FAM83B: variants seen among roughly 807,000 people sequenced by gnomAD.
FAM83B encodes protein FAM83B.
FAM83B carries 26 observed loss-of-function variants against 38.8 expected under a neutral mutation model. The observed-to-expected ratio is 0.67, with a 90% CI of 0.49 to 0.93. FAM83B has a LOEUF of 0.93. Among genes scored for constraint, FAM83B ranks in the 40% least tolerant of loss-of-function variants. The probability of loss-of-function intolerance (pLI) is 0.00; values close to 1 mark genes in which losing one functional copy is unlikely to be tolerated. For synonymous variants in FAM83B, 419 were observed against 423.1 expected, an observed-to-expected ratio of 0.99 and a Z score of 0.12; for missense variants, 1,237 against 1,197.3, an observed-to-expected ratio of 1.03 and a Z score of -0.49.
chr6:54,943,315 C>T lies in FAM83B; in HGVS notation c.*1308C>T, dbSNP rs1476728406. 2 of 152,098 alleles carry T rather than the reference C, an allele frequency of 1.3e-5. No homozygotes were observed. Among genetic ancestry groups the T allele is most frequent in the Non-Finnish European group, 2.9e-5 (2 of 68,020 alleles). 9.4% of individuals were successfully genotyped at this position (152,098 alleles called of 1,614,324 possible). A position where few individuals can be genotyped will look rare whatever the true frequency, so the allele number is the denominator to read the frequency against. On this transcript the variant is annotated 3_prime_UTR_variant, in exon 5 of 5. Coordinates refer to ENST00000306858, the MANE Select transcript of FAM83B (RefSeq NM_001010872.3). ...GGATGATATTCAGATTATAAGATAC[C>T]CTTTGTCTTTCTTACAGTAATGAAG...
At chr6:54,886,013 A>G (rs1772266830) in intron 2 of FAM83B, among the ~76,000 whole-genome samples, 1 of 152,012 alleles carries the variant, frequency 6.6e-6, no homozygotes, top group Non-Finnish European at 1.5e-5. Context: ...AGGAAGTTCT[A>G]TTCTTAAAGA....
chr6:54,937,136 T>A (rs1773538641), intron 4 of FAM83B, among the ~76,000 whole-genome samples: 1 of 151,584 alleles, frequency 6.6e-6, no homozygotes, highest in Non-Finnish European at 1.5e-5. Context: ...ATGTGGAGAG[T>A]GTCTCTTTTT....
chr6:54,913,848 C>G (rs749216351), intron 2 of FAM83B, among the ~76,000 whole-genome samples: 40 of 151,730 alleles, frequency 2.6e-4, no homozygotes, highest in Non-Finnish European at 3.1e-4. Context: ...AAATTTCATG[C>G]ATCATATATT....
intron 2 of FAM83B, among the ~76,000 whole-genome samples, chr6:54,909,762 G>C (rs1393845963): frequency 5.9e-5 from 9 of 152,280 alleles, no homozygotes; most frequent in Admixed American, 5.2e-4. Context: ...CTAAACTGTA[G>C]AGGAGCATAA....
At chr6:54,916,784 C>T (rs1773050217) in intron 2 of FAM83B, among the ~76,000 whole-genome samples, 1 of 152,166 alleles carries the variant, frequency 6.6e-6, no homozygotes, top group Non-Finnish European at 1.5e-5. Context: ...CAGTATTTGT[C>T]TCTTTGACTC....
intron 2 of FAM83B, among the ~76,000 whole-genome samples, chr6:54,888,450 T>C (rs998226959): frequency 6.6e-6 from 1 of 151,996 alleles, no homozygotes; most frequent in Non-Finnish European, 1.5e-5. Context: ...CAATGAATCC[T>C]CTTGGAACTT....
intron 2 of FAM83B, among the ~76,000 whole-genome samples, chr6:54,925,046 T>C (rs1401392140): frequency 6.6e-6 from 1 of 152,210 alleles, no homozygotes; most frequent in Non-Finnish European, 1.5e-5. Flanking sequence ...AACTCTCCCA[T>C]TCTCATTTCA....
chr6:54,926,887 A>G (rs58495896), intron 3 of FAM83B, among the ~76,000 whole-genome samples: 8,274 of 152,074 alleles, frequency 0.054, 762 homozygotes, highest in African/African-American at 0.19. Flanking sequence ...GCCCGCCACC[A>G]TGCCCAGCTA....
intron 1 of FAM83B, among the ~76,000 whole-genome samples, chr6:54,868,271 A>T (rs948940957): frequency 1.3e-5 from 2 of 152,124 alleles, no homozygotes; most frequent in Admixed American, 6.6e-5. Context: ...CATGCATTGT[A>T]GTATGTTTAG....
intron 2 of FAM83B, among the ~76,000 whole-genome samples, chr6:54,895,802 G>T (rs544705453): frequency 1.3e-5 from 2 of 151,978 alleles, no homozygotes; most frequent in East Asian, 1.9e-4. Context: ...GTGCAGTGGG[G>T]TGATCTTGGC....
intron 2 of FAM83B, among the ~76,000 whole-genome samples, chr6:54,876,417 C>A (rs1433745656): frequency 1.3e-5 from 2 of 149,590 alleles, no homozygotes; most frequent in African/African-American, 4.9e-5. Flanking sequence ...TCTGTCCCCC[C>A]AGGTTCAAGC....
rs757631289 is a variant in FAM83B, at chr6:54,941,155, C to T, written c.2184C>T (p.Asn728=). 1 of 1,614,022 alleles carries T rather than the reference C, an allele frequency of 6.2e-7. No individual in the cohort carries two copies. Among genetic ancestry groups the T allele is most frequent in the South Asian group, 1.1e-5 (1 of 91,082 alleles). Residue 728 remains asparagine (N), a synonymous_variant, in exon 5 of 5, where the codon AAC becomes AAT. Coordinates refer to ENST00000306858, the MANE Select transcript of FAM83B (RefSeq NM_001010872.3). ...ATGAGGAGGAAGTTACCAAGAGAAA[C>T]TCTCCAAGTGGCACTACTACCAAAT... The part of the protein sequence containing the change: ...EEDEEEVTKR[N]SPSGTTTKSV...
chr6:54,935,994 C>G (rs866811737), intron 4 of FAM83B, among the ~76,000 whole-genome samples: 3 of 151,940 alleles, frequency 2.0e-5, no homozygotes, highest in Non-Finnish European at 4.4e-5. Flanking sequence ...TTGCAAGGCC[C>G]ACTAAAATTT....
chr6:54,935,414 C>G (rs1773504812), intron 4 of FAM83B, among the ~76,000 whole-genome samples: 1 of 151,984 alleles, frequency 6.6e-6, no homozygotes, highest in South Asian at 2.1e-4. Context: ...ATAGAGTGAT[C>G]ATAAATGTCT....
Position 54,940,099 on chromosome 6 carries a change from A to G in FAM83B, c.1128A>G (p.Gln376=). ...GTCCAAACGCAATACGTCAGTTTCAACCCAATCAGATAAATGAAAATTGGA... is the reference window on the plus strand; with the variant it reads ...GTCCAAACGCAATACGTCAGTTTCAGCCCAATCAGATAAATGAAAATTGGA... ...FNGPNAIRQF[Q]PNQINENWKR... Residue 376 remains glutamine, a synonymous_variant, in exon 5 of 5, where the codon CAA becomes CAG. Transcript: ENST00000306858. The G allele has an allele frequency of 6.2e-7, 1 of 1,614,112 alleles. No homozygotes were observed. Among genetic ancestry groups the G allele is most frequent in the Non-Finnish European group, 8.5e-7 (1 of 1,180,032 alleles).
At chr6:54,882,093 T>G (rs2127578024) in intron 2 of FAM83B, among the ~76,000 whole-genome samples, 1 of 151,482 alleles carries the variant, frequency 6.6e-6, no homozygotes, top group East Asian at 1.9e-4. Flanking sequence ...GGACATGAAC[T>G]CATCCTTTTT....
At position 54,940,756 on chromosome 6, in the gene FAM83B, G is replaced by T. The variant is rs1276256016; in HGVS notation, c.1785G>T (p.Leu595Phe). ...TNVQHLTDKP[L>F]PESIPKLPLQ... is the part of the protein sequence containing the mutation. ...TACAGCATTTGACAGACAAACCCTTGCCAGAATCAATCCCCAAGCTCCCAT... is the reference window on the plus strand; with the variant it reads ...TACAGCATTTGACAGACAAACCCTTTCCAGAATCAATCCCCAAGCTCCCAT... Residue 595 changes from leucine to phenylalanine, a missense_variant, in exon 5 of 5, where the codon TTG (leucine) becomes TTT (phenylalanine). Physicochemically the swap from Leu to Phe is conservative, Grantham distance 22. Transcript: ENST00000306858. 1.2e-6 allele frequency: 2 copies of T among 1,613,896 alleles called. No individual in the cohort carries two copies. The highest frequency in any genetic ancestry group is 2.2e-5 in the East Asian group (1 of 44,844).
intron 2 of FAM83B, among the ~76,000 whole-genome samples, chr6:54,884,336 A>T (rs1487222489): frequency 2.0e-5 from 3 of 148,966 alleles, no homozygotes; most frequent in African/African-American, 7.4e-5. Context: ...ATAGAAAATG[A>T]GCTGGGTGTG....
chr6:54,917,597 C>A (rs997537247), intron 2 of FAM83B, among the ~76,000 whole-genome samples: 1 of 152,036 alleles, frequency 6.6e-6, no homozygotes, highest in Non-Finnish European at 1.5e-5. Flanking sequence ...CCTTCTTGGT[C>A]AGAATTTTGA....
Sources: allele counts gnomAD v4.1 joint callset (sites outside exome capture counted in the v4.1 genomes callset), GRCh38; gene constraint gnomAD v4.1.1; transcripts MANE v1.5; gene names NCBI Gene and HGNC (gene_info 2026-07-23, HGNC 2026-07-21).